The following RANBP2 variants were observed in gnomAD, a reference collection of about 807,000 sequenced individuals.
RANBP2 encodes RAN binding protein 2, also known as E3 SUMO-protein ligase RanBP2.
A neutral mutation model predicts 303.6 loss-of-function variants in RANBP2; 57 were observed. The ratio of observed to expected loss-of-function variants is 0.19; its 90% CI spans 0.15 to 0.23. The LOEUF is 0.23. Among genes scored for constraint, RANBP2 ranks in the 10% least tolerant of loss-of-function variants. The pLI is 1.00. For synonymous variants in RANBP2, 1,167 were observed against 1,301.5 expected (o/e 0.90, Z 2.23); for missense variants, 3,138 against 3,780.8 (o/e 0.83, Z 4.46).
the RANBP2 span, among the ~76,000 whole-genome samples, chr2:109,685,794 G>A: frequency 6.6e-6 from 1 of 152,186 alleles, no homozygotes; most frequent in African/African-American, 2.4e-5. Flanking sequence ...AGGAGGAAAT[G>A]GTTCAGATTC....
At chr2:109,278,110 T>A in the RANBP2 span, among the ~76,000 whole-genome samples, 53,393 of 151,244 alleles carry the variant, frequency 0.35, 9,513 homozygotes, top group South Asian at 0.41. Flanking sequence ...CCAGGAGGTC[T>A]AGGCTGCAGT....
the RANBP2 span, among the ~76,000 whole-genome samples, chr2:109,307,255 C>T: frequency 6.6e-6 from 1 of 152,062 alleles, no homozygotes; most frequent in Admixed American, 6.5e-5. Context: ...TGTGTGTAGC[C>T]ACATTGATTT....
the RANBP2 span, among the ~76,000 whole-genome samples, chr2:108,854,068 T>TATATTATATATA: frequency 8.0e-6 from 1 of 124,252 alleles, no homozygotes; most frequent in African/African-American, 3.2e-5. Flanking sequence ...ATATATATTT[T>TATATTATATATA]ATATATAATA....
intron 1 of RANBP2, among the ~76,000 whole-genome samples, chr2:108,720,973 C>T (rs1462177995): frequency 6.6e-6 from 1 of 152,008 alleles, no homozygotes; most frequent in Non-Finnish European, 1.5e-5. Flanking sequence ...CGCTTGAACC[C>T]GGGAGGCGGA....
chr2:109,243,652 G>T, the RANBP2 span, among the ~76,000 whole-genome samples: 7 of 152,288 alleles, frequency 4.6e-5, no homozygotes, highest in African/African-American at 1.7e-4. Context: ...GAAGATATGA[G>T]TGGTGAGAAG....
At chr2:108,947,912 G>A in the RANBP2 span, among the ~76,000 whole-genome samples, 1 of 152,164 alleles carries the variant, frequency 6.6e-6, no homozygotes, top group East Asian at 1.9e-4. Flanking sequence ...CAGAAAATGG[G>A]TTTTTCTTTT....
At chr2:109,399,624 CAATAA>C in the RANBP2 span, among the ~76,000 whole-genome samples, 5 of 151,978 alleles carry the variant, frequency 3.3e-5, no homozygotes, top group African/African-American at 7.3e-5. Flanking sequence ...ATCAGTCAAT[CAATAA>C]AATAAAATAA....
the RANBP2 span, among the ~76,000 whole-genome samples, chr2:109,668,331 G>A: frequency 1.4e-5 from 1 of 70,032 alleles, no homozygotes; most frequent in Non-Finnish European, 2.9e-5. Context: ...GGCTTAGTGG[G>A]TTTCATTAGG....
At chr2:108,828,864 G>C in the RANBP2 span, among the ~76,000 whole-genome samples, 486 of 152,178 alleles carry the variant, frequency 3.2e-3, 2 homozygotes, top group African/African-American at 0.011. Context: ...TGTAATCCCA[G>C]GTACTCGAGA....
the RANBP2 span, among the ~76,000 whole-genome samples, chr2:108,944,435 G>A: frequency 1.3e-5 from 2 of 152,204 alleles, no homozygotes; most frequent in Non-Finnish European, 2.9e-5. Context: ...TATTCTTTCA[G>A]ATAATTTAAA....
At chr2:109,074,554 A>G in the RANBP2 span, among the ~76,000 whole-genome samples, 3 of 149,460 alleles carry the variant, frequency 2.0e-5, no homozygotes, top group African/African-American at 7.3e-5. Context: ...TACAAAAATT[A>G]GCAGGGTGTG....
the RANBP2 span, among the ~76,000 whole-genome samples, chr2:109,691,825 C>T: frequency 3.3e-5 from 5 of 151,990 alleles, no homozygotes; most frequent in Admixed American, 2.0e-4. Context: ...CTCTGTCACC[C>T]AGGCTAGAGC....
At chr2:109,258,614 G>A in the RANBP2 span, among the ~76,000 whole-genome samples, 1 of 152,248 alleles carries the variant, frequency 6.6e-6, no homozygotes, top group Non-Finnish European at 1.5e-5. Flanking sequence ...GGCCACAGCT[G>A]GCTGTGCTCC....
At chr2:108,730,924 A>G (rs541150691) in intron 3 of RANBP2, 39 bp downstream of exon 3, 2 of 1,609,852 alleles carry the variant, frequency 1.2e-6, no homozygotes, top group African/African-American at 2.7e-5. Context: ...TGCATAGCCA[A>G]ACACATGATG....
chr2:109,414,442 T>C, the RANBP2 span, among the ~76,000 whole-genome samples: 1 of 152,080 alleles, frequency 6.6e-6, no homozygotes, highest in African/African-American at 2.4e-5. Flanking sequence ...GGCAGGAGGG[T>C]AAACCTGGCC....
chr2:109,555,149 G>T, the RANBP2 span, among the ~76,000 whole-genome samples: 1 of 152,094 alleles, frequency 6.6e-6, no homozygotes, highest in Non-Finnish European at 1.5e-5. Flanking sequence ...CAAAAACACA[G>T]ATCTCATTAT....
At chr2:109,130,894 C>G in the RANBP2 span, among the ~76,000 whole-genome samples, 2 of 152,132 alleles carry the variant, frequency 1.3e-5, no homozygotes, top group African/African-American at 4.8e-5. Context: ...TTATTACACA[C>G]CCTTGCCACC....
chr2:109,388,949 C>T, the RANBP2 span, among the ~76,000 whole-genome samples: 1 of 152,152 alleles, frequency 6.6e-6, no homozygotes, highest in Non-Finnish European at 1.5e-5. Flanking sequence ...ATGAGGGCTG[C>T]AGTGTGCAGC....
At chr2:109,248,409 T>C in the RANBP2 span, among the ~76,000 whole-genome samples, 1 of 152,248 alleles carries the variant, frequency 6.6e-6, no homozygotes, top group Non-Finnish European at 1.5e-5. Context: ...CTCATTTTTT[T>C]CCTTTTGGTA....
Sources: gnomAD v4.1 joint callset for allele counts (sites outside exome capture counted in the v4.1 genomes callset) on GRCh38, gnomAD v4.1.1 for gene constraint, MANE v1.5 for transcripts, NCBI Gene and HGNC (gene_info 2026-07-23, HGNC 2026-07-21) for gene names.